DGKB: variants seen among roughly 807,000 people sequenced by gnomAD.
The protein encoded by DGKB is diacylglycerol kinase beta, also known as 90 kDa diacylglycerol kinase.
A neutral mutation model predicts 114.3 loss-of-function variants in DGKB; 67 were observed. The observed-to-expected ratio is 0.59, with a 90% confidence interval of 0.48 to 0.72. The LOEUF is 0.72. Among genes scored for constraint, DGKB ranks in the 30% least tolerant of loss-of-function variants. DGKB has a pLI of 0.00. For synonymous variants in DGKB, 398 were observed against 323.1 expected (o/e 1.23, Z -2.49); for missense variants, 907 against 975.2 (o/e 0.93, Z 0.93).
At chr7:14,391,683 C>T (rs1047097999) in intron 21 of DGKB, among the ~76,000 whole-genome samples, 2 of 152,020 alleles carry the variant, frequency 1.3e-5, no homozygotes, top group African/African-American at 4.8e-5. Flanking sequence ...CAGAATGAGA[C>T]CCTGTGTCAG....
intron 13 of DGKB, among the ~76,000 whole-genome samples, chr7:14,644,155 C>T (rs767742782): frequency 6.6e-6 from 1 of 151,448 alleles, no homozygotes; most frequent in African/African-American, 2.4e-5. Flanking sequence ...CATTACTGTA[C>T]CTACCTAGAA....
intron 17 of DGKB, among the ~76,000 whole-genome samples, chr7:14,607,108 T>C (rs1016263119): frequency 3.4e-4 from 51 of 151,990 alleles, no homozygotes; most frequent in African/African-American, 1.2e-3. Flanking sequence ...AGAATCGTTC[T>C]TCAAATACAT....
intron 23 of DGKB, chr7:14,209,577 G>A: frequency 2.1e-6 from 1 of 481,788 alleles, no homozygotes; most frequent in Non-Finnish European, 4.3e-6. Context: ...GGGCTCCAGA[G>A]GTTCACATTC....
chr7:14,175,124 A>G (rs1004056335), intron 25 of DGKB, among the ~76,000 whole-genome samples: 9 of 152,218 alleles, frequency 5.9e-5, no homozygotes, highest in African/African-American at 2.2e-4. Context: ...GGTTGAGAGA[A>G]TGGGCTTTAA....
intron 21 of DGKB, among the ~76,000 whole-genome samples, chr7:14,477,029 C>T (rs977287545): frequency 9.2e-5 from 14 of 152,102 alleles, no homozygotes; most frequent in African/African-American, 3.1e-4. Context: ...GGATTACAGG[C>T]GTGAGCCACC....
intron 2 of DGKB, among the ~76,000 whole-genome samples, chr7:14,834,233 A>G (rs912855964): frequency 6.6e-6 from 1 of 152,298 alleles, no homozygotes; most frequent in African/African-American, 2.4e-5. Flanking sequence ...AAGAGCTATC[A>G]TTTTATAGGT....
intron 4 of DGKB, among the ~76,000 whole-genome samples, chr7:14,738,584 T>C (rs1439592876): frequency 1.3e-5 from 2 of 152,224 alleles, no homozygotes; most frequent in East Asian, 1.9e-4. Flanking sequence ...ATCTGGCACA[T>C]AGTAAACATT....
intron 1 of DGKB, among the ~76,000 whole-genome samples, chr7:14,931,342 C>T (rs1005096838): frequency 1.3e-5 from 2 of 152,128 alleles, no homozygotes; most frequent in African/African-American, 4.8e-5. Context: ...AAACTCCTGA[C>T]CTCGTGATCC....
At chr7:14,760,254 C>T (rs930043002) in intron 2 of DGKB, among the ~76,000 whole-genome samples, 4 of 151,874 alleles carry the variant, frequency 2.6e-5, no homozygotes, top group Admixed American at 6.6e-5. Flanking sequence ...TATGTCATGT[C>T]CCTTGCTAGA....
intron 21 of DGKB, among the ~76,000 whole-genome samples, chr7:14,464,765 C>A (rs1344764563): frequency 1.3e-5 from 2 of 152,104 alleles, no homozygotes; most frequent in Admixed American, 6.6e-5. Context: ...AATGAACTGC[C>A]AAACCCAAAG....
intron 20 of DGKB, among the ~76,000 whole-genome samples, chr7:14,524,362 A>G (rs375650913): frequency 6.6e-6 from 1 of 152,278 alleles, no homozygotes; most frequent in African/African-American, 2.4e-5. Flanking sequence ...CTTTTCCTAG[A>G]TACTTGCCAG....
intron 1 of DGKB, among the ~76,000 whole-genome samples, chr7:14,933,382 G>A (rs571120719): frequency 6.6e-5 from 10 of 151,938 alleles, no homozygotes; most frequent in African/African-American, 2.4e-4. Flanking sequence ...AAATCTGATG[G>A]GCCTATAAAA....
intron 2 of DGKB, 60 bp from the exon 3 acceptor site, chr7:14,757,791 A>T (rs1248431951): frequency 1.1e-6 from 1 of 896,420 alleles, no homozygotes; most frequent in Non-Finnish European, 1.8e-6. Context: ...TGTGTAGCCC[A>T]GTCCAGAAAC....
intron 23 of DGKB, among the ~76,000 whole-genome samples, chr7:14,310,466 A>G (rs1486384218): frequency 1.3e-5 from 2 of 152,216 alleles, no homozygotes; most frequent in East Asian, 1.9e-4. Flanking sequence ...CAGTAGAATA[A>G]TAAATAGAGT....
At chr7:14,658,928 G>T (rs1473315939) in intron 13 of DGKB, among the ~76,000 whole-genome samples, 3 of 151,752 alleles carry the variant, frequency 2.0e-5, no homozygotes, top group Non-Finnish European at 4.4e-5. Context: ...TTACTTTAAA[G>T]TTCTGGGATA....
chr7:14,360,960 T>C (rs1815618352), intron 21 of DGKB, among the ~76,000 whole-genome samples: 1 of 152,094 alleles, frequency 6.6e-6, no homozygotes, highest in Non-Finnish European at 1.5e-5. Flanking sequence ...AATTTTTAGA[T>C]GCTATATTTT....
intron 21 of DGKB, among the ~76,000 whole-genome samples, chr7:14,454,510 G>A (rs1254982474): frequency 1.3e-5 from 2 of 151,946 alleles, no homozygotes; most frequent in South Asian, 2.1e-4. Context: ...TAGCTTCCAC[G>A]TTCAGGAATT....
rs1585080910 is a variant in DGKB, at chr7:14,607,522, A to G, written c.1359-14T>C. On this transcript the variant is annotated splice_polypyrimidine_tract_variant and intron_variant, in intron 16 of 25. Coordinates refer to ENST00000402815, the MANE Select transcript of DGKB (RefSeq NM_001350709.2). ...TTTCTGTAAATTCTATAAAGGTGAA[A>G]ATGTGGGGAAAAAATTTAATAATAT... is the stretch of plus-strand genomic sequence containing the variant. The G allele has an allele frequency of 7.7e-7, 1 of 1,305,390 alleles. No individual in the cohort carries two copies. The highest frequency in any genetic ancestry group is 2.3e-5 in the East Asian group (1 of 42,798). 80.9% of individuals were successfully genotyped at this position (1,305,390 alleles called of 1,614,324 possible). A position where few individuals can be genotyped will look rare whatever the true frequency, so the allele number is the denominator to read the frequency against.
intron 20 of DGKB, among the ~76,000 whole-genome samples, chr7:14,482,279 T>C (rs145431714): frequency 6.6e-6 from 1 of 152,200 alleles, no homozygotes; most frequent in East Asian, 1.9e-4. Flanking sequence ...TTCATGATTT[T>C]GAGATTCATA....
Sources: allele counts gnomAD v4.1 joint callset (sites outside exome capture counted in the v4.1 genomes callset), GRCh38; gene constraint gnomAD v4.1.1; transcripts MANE v1.5; gene names NCBI Gene and HGNC (gene_info 2026-07-23, HGNC 2026-07-21).